The following SPTLC1 variants were observed in gnomAD, a reference collection of about 807,000 sequenced individuals.
SPTLC1 encodes the protein serine palmitoyltransferase 1.
SPTLC1 carries 55 observed loss-of-function variants against 68.9 expected under a neutral mutation model. The ratio of observed to expected loss-of-function variants is 0.80; its 90% CI spans 0.64 to 1.00. SPTLC1 has a LOEUF of 1.00. Among genes scored for constraint, SPTLC1 ranks in the 50% least tolerant of loss-of-function variants. The pLI is 0.00. For synonymous variants in SPTLC1, 197 were observed against 201.6 expected (o/e 0.98, Z 0.19); for missense variants, 449 against 573.1 (o/e 0.78, Z 2.21).
At chr9:92,060,508 T>C (rs927289997) in intron 6 of SPTLC1, among the ~76,000 whole-genome samples, 1 of 152,040 alleles carries the variant, frequency 6.6e-6, no homozygotes, top group Non-Finnish European at 1.5e-5. Context: ...TACAGAGATA[T>C]CAGAACTGAA....
chr9:92,110,576 T>G (rs528005985), intron 2 of SPTLC1: 2 of 152,272 alleles, frequency 1.3e-5, no homozygotes, highest in African/African-American at 4.8e-5. Flanking sequence ...ATTTACCAAA[T>G]GCCATTTATT....
In SPTLC1 at chr9:92,083,831, A is replaced by C. The variant is rs201455644; in HGVS notation, c.261-2868T>G. Among the ~76,000 whole-genome samples the C allele has an allele frequency of 1.8e-3, 266 of 151,848 alleles. 1 individual carries two copies. Among genetic ancestry groups the C allele is most frequent in the African/African-American group, 5.9e-3 (241 of 41,188 alleles). ...CATTGAATCTATAAATTACCTGGGG[A>C]AGTATGGCCATTTTCACAATATTGA... On this transcript the variant is annotated intron_variant, in intron 3 of 14. Coordinates refer to ENST00000262554, the MANE Select transcript of SPTLC1 (RefSeq NM_006415.4).
chr9:92,081,039 A>G (rs1333446329), intron 3 of SPTLC1, 76 bp from the exon 4 acceptor site: 2 of 1,112,082 alleles, frequency 1.8e-6, no homozygotes, highest in African/African-American at 3.1e-5. Flanking sequence ...GGTGGTAGGC[A>G]CAACAACATA....
chr9:92,109,760 G>A (rs1265581204), intron 2 of SPTLC1: 2 of 152,264 alleles, frequency 1.3e-5, no homozygotes, highest in African/African-American at 4.8e-5. Flanking sequence ...ATCACCTGAG[G>A]TCGGGAGTTC....
In SPTLC1 at chr9:92,047,420, C is replaced by T. The variant is rs765707257; in HGVS notation, c.985-152G>A. 7.8e-6 allele frequency: 6 copies of T among 773,724 alleles called. No individual in the cohort carries two copies. In the Admixed American group the frequency reaches 8.5e-5, roughly 11 times the overall value. 47.9% of individuals were successfully genotyped at this position (773,724 alleles called of 1,614,324 possible). ...CCATAAATAAACATTATACGTGTAA[C>T]AGCAACAAGACTTTTTGTTAAATGT... On this transcript the variant is annotated intron_variant, in intron 10 of 14. Coordinates refer to ENST00000262554, the MANE Select transcript of SPTLC1 (RefSeq NM_006415.4).
chr9:92,106,435 C>G (rs1273077614), intron 3 of SPTLC1, among the ~76,000 whole-genome samples: 1 of 146,504 alleles, frequency 6.8e-6, no homozygotes, highest in Non-Finnish European at 1.5e-5. Flanking sequence ...GATCGCACCA[C>G]TGCACTCCAG....
At chr9:92,074,191 G>A (rs1048885449) in intron 5 of SPTLC1, among the ~76,000 whole-genome samples, 4 of 151,912 alleles carry the variant, frequency 2.6e-5, no homozygotes, top group African/African-American at 9.7e-5. Flanking sequence ...TAATCGATAC[G>A]GGGGCTACCC....
chr9:92,081,571 C>T (rs1460233246), intron 3 of SPTLC1, among the ~76,000 whole-genome samples: 2 of 152,176 alleles, frequency 1.3e-5, no homozygotes, highest in African/African-American at 2.4e-5. Flanking sequence ...GAATGGGCTC[C>T]TGAAGGTACT....
At position 92,097,139 on chromosome 9, in the gene SPTLC1, G is replaced by A. The variant is rs372315165; in HGVS notation, c.260+11601C>T. ...TAAGATCCCACTTCCCACCTACTAG[G>A]ATGGCTACAATAAAATAGAAAATAA... On this transcript the variant is annotated intron_variant, in intron 3 of 14. Transcript: ENST00000262554. 3.9e-4 allele frequency among the ~76,000 whole-genome samples: 59 copies of A among 152,276 alleles called. No individual in the cohort carries two copies. The South Asian group carries it at 0.012, about 30-fold the overall frequency.
intron 3 of SPTLC1, among the ~76,000 whole-genome samples, chr9:92,092,718 G>A (rs1835407697): frequency 1.3e-5 from 2 of 151,958 alleles, no homozygotes; most frequent in African/African-American, 4.8e-5. Context: ...CTGACAACAG[G>A]GCAAGACTCC....
At position 92,034,835 on chromosome 9, in the gene SPTLC1, C is replaced by G; in HGVS notation, c.1303G>C (p.Glu435Gln). The change falls in exon 14 of 15, where the codon GAA (glutamate) becomes CAA (glutamine). Residue 435 changes from glutamate to glutamine, a missense_variant. Coordinates refer to ENST00000262554, the MANE Select transcript of SPTLC1 (RefSeq NM_006415.4). Reference protein sequence around the residue: ...ALTQARYLEKEEKCLPPPSIR... With the variant: ...ALTQARYLEKQEKCLPPPSIR... ...CTGGGAGGAGGGAGACACTTCTCTT[C>G]TTTCTCCAAGTAGCGCGCCTGAGTT... 1 of 1,614,176 alleles carries G rather than the reference C, an allele frequency of 6.2e-7. No individual in the cohort carries two copies. The highest frequency in any genetic ancestry group is 8.5e-7 in the Non-Finnish European group (1 of 1,180,016).
chr9:92,050,390 T>A (rs2118473423), intron 8 of SPTLC1: 6 of 310,794 alleles, frequency 1.9e-5, no homozygotes, highest in South Asian at 1.8e-4. Flanking sequence ...TTACTGCCAC[T>A]TTTTTGGACT....
intron 3 of SPTLC1, among the ~76,000 whole-genome samples, chr9:92,088,413 A>T (rs1835238897): frequency 6.6e-6 from 1 of 151,990 alleles, no homozygotes; most frequent in African/African-American, 2.4e-5. Context: ...TTCTCTTTCA[A>T]ATCCAGTGCC....
In SPTLC1 at chr9:92,101,313, A is replaced by G. The variant is rs1367127496; in HGVS notation, c.260+7427T>C. Among the ~76,000 whole-genome samples the G allele has an allele frequency of 3.3e-5, 5 of 152,108 alleles. No individual in the cohort carries two copies. In the South Asian group the frequency reaches 6.2e-4, roughly 19 times the overall value. The stretch of plus-strand genomic sequence containing the variant: ...CGTGGTGGCTCACACCTGTAATCCC[A>G]GCACTTTGGAAGGCCGAGGTGGGCG... On this transcript the variant is annotated intron_variant, in intron 3 of 14. Transcript: ENST00000262554.
chr9:92,036,401 G>A lies in SPTLC1; in HGVS notation c.1255-1518C>T, dbSNP rs549926370. The stretch of plus-strand genomic sequence containing the variant: ...CTCTGCGTCTCTTTGGTACAAAGCA[G>A]TAGTAAGACTTTAGCTGTTGCTATC... On this transcript the variant is annotated intron_variant, in intron 13 of 14. Transcript: ENST00000262554. Among the ~76,000 whole-genome samples, 12 of 152,358 alleles carry A rather than the reference G, an allele frequency of 7.9e-5. No homozygotes were observed. In the East Asian group the frequency reaches 2.1e-3, roughly 27 times the overall value.
At chr9:92,103,851 G>A (rs1368752561) in intron 3 of SPTLC1, among the ~76,000 whole-genome samples, 1 of 152,210 alleles carries the variant, frequency 6.6e-6, no homozygotes, top group African/African-American at 2.4e-5. Flanking sequence ...GTGCCAGCCA[G>A]CACCTGGGCC....
chr9:92,048,170 T>G (rs1180941241), intron 9 of SPTLC1, among the ~76,000 whole-genome samples: 1 of 152,200 alleles, frequency 6.6e-6, no homozygotes, highest in African/African-American at 2.4e-5. Context: ...ATAAGTCAAT[T>G]TATCCAAACG....
intron 5 of SPTLC1, among the ~76,000 whole-genome samples, chr9:92,069,627 C>A (rs1834413181): frequency 6.6e-6 from 1 of 152,200 alleles, no homozygotes; most frequent in Non-Finnish European, 1.5e-5. Context: ...AGCCAAGTAG[C>A]TGAGCATGGG....
intron 1 of SPTLC1, among the ~76,000 whole-genome samples, chr9:92,113,302 A>C (rs1213645042): frequency 1.3e-5 from 2 of 152,238 alleles, no homozygotes; most frequent in Non-Finnish European, 2.9e-5. Context: ...TTCATTTATG[A>C]ATAAGTCTAA....
Sources: gnomAD v4.1 joint callset for allele counts (sites outside exome capture counted in the v4.1 genomes callset) on GRCh38, gnomAD v4.1.1 for gene constraint, MANE v1.5 for transcripts, NCBI Gene and HGNC (gene_info 2026-07-23, HGNC 2026-07-21) for gene names.